Variants in ZNF208 observed in about 807,000 individuals in gnomAD.
The protein encoded by ZNF208 is zinc finger protein 95.
A neutral mutation model predicts 12.1 loss-of-function variants in ZNF208; 10 were observed. That is an observed-to-expected ratio of 0.83 (90% CI 0.51 to 1.40). The LOEUF (loss-of-function observed/expected upper bound fraction) is 1.40. Among genes scored for constraint, ZNF208 ranks in the 40% most tolerant of loss-of-function variants. The pLI is 0.00. For synonymous variants in ZNF208, 497 were observed against 488.4 expected (o/e 1.02, Z -0.23); for missense variants, 1,652 against 1,485.0 (o/e 1.11, Z -1.85).
At chr19:22,006,430 G>C (rs1311191180) in intron 1 of ZNF208, among the ~76,000 whole-genome samples, 1 of 151,704 alleles carries the variant, frequency 6.6e-6, no homozygotes, top group Non-Finnish European at 1.5e-5. Flanking sequence ...CCTCAAAACA[G>C]TAACAATTTA....
chr19:21,967,047 T>C lies in ZNF208; in HGVS notation c.*4144A>G, dbSNP rs1185196578. The stretch of plus-strand genomic sequence containing the variant: ...TGTTTACTTTGCTGATAGTTTCTTT[T>C]ACTGTGCAGAAGCTCTTTGGCTTAG... On this transcript the variant is annotated 3_prime_UTR_variant, in exon 4 of 4. Coordinates refer to ENST00000397126, the MANE Select transcript of ZNF208 (RefSeq NM_007153.3). 1.3e-5 allele frequency: 2 copies of C among 152,188 alleles called. No individual in the cohort carries two copies. Among genetic ancestry groups the C allele is most frequent in the African/African-American group, 4.8e-5 (2 of 41,464 alleles). The allele number at this position is 152,188 out of a possible 1,614,324, so 9.4% of individuals were successfully genotyped here. A position where few individuals can be genotyped will look rare whatever the true frequency, so the allele number is the denominator to read the frequency against.
intron 4 of ZNF208, among the ~76,000 whole-genome samples, chr19:21,954,717 C>G (rs1196906150): frequency 6.6e-6 from 1 of 152,106 alleles, no homozygotes; most frequent in South Asian, 2.1e-4. Context: ...TTATTTTGAG[C>G]CTATGTGTGT....
chr19:22,005,065 C>G lies in ZNF208; in HGVS notation c.3+5727G>C, dbSNP rs1254913194. 3.3e-5 allele frequency among the ~76,000 whole-genome samples: 5 copies of G among 152,218 alleles called. No homozygotes were observed. In the South Asian group the frequency reaches 6.2e-4, roughly 19 times the overall value. ...GGCAGATAAGATTATGAACCCTAGG[C>G]TGGTGGAGAAAACAGGTTGCTACTG... is the stretch of plus-strand genomic sequence containing the variant. On this transcript the variant is annotated intron_variant, in intron 1 of 3. Coordinates refer to ENST00000397126, the MANE Select transcript of ZNF208 (RefSeq NM_007153.3).
intron 2 of ZNF208, among the ~76,000 whole-genome samples, chr19:21,987,587 T>G (rs1488423161): frequency 1.3e-5 from 2 of 152,146 alleles, no homozygotes; most frequent in African/African-American, 4.8e-5. Flanking sequence ...ACCTGCTCTC[T>G]TACTTATAAA....
intron 4 of ZNF208, among the ~76,000 whole-genome samples, chr19:21,955,421 G>A (rs1969957587): frequency 6.6e-6 from 1 of 152,116 alleles, no homozygotes; most frequent in Admixed American, 6.6e-5. Context: ...CCTGAAGAAT[G>A]TTTTCCAACT....
rs1254904429 is a variant in ZNF208 at position 21,996,604 on chromosome 19, C to T, written c.4-7695G>A. ...ATTCTCAAGACTTAGATTTAGAATA[C>T]GGAGCTGCAAATTCAGGTCCTGCAT... On this transcript the variant is annotated intron_variant, in intron 1 of 3. Transcript: ENST00000397126. Among the ~76,000 whole-genome samples, 5 of 152,172 alleles carry T rather than the reference C, an allele frequency of 3.3e-5. No individual in the cohort carries two copies. The South Asian group carries it at 6.2e-4, about 19-fold the overall frequency.
At chr19:21,942,767 A>G (rs2522094) in intron 4 of ZNF208, among the ~76,000 whole-genome samples, 85,884 of 151,826 alleles carry the variant, frequency 0.57, 24,528 homozygotes, top group East Asian at 0.69. Flanking sequence ...TCCTGCCTCA[A>G]CCCCCTGAGT....
rs759665841 is a variant in ZNF208 at position 21,972,571 on chromosome 19, A to G, written c.2463T>C (p.Thr821=). The part of the protein sequence containing the change: ...GKTFSKVSTL[T]THKAIHAGEK... Reference sequence around the variant, plus strand: ...CTCCAGCATGAATTGCCTTATGTGTAGTAAGGGTTGAGACCTTACTAAAGG... The same window carrying G: ...CTCCAGCATGAATTGCCTTATGTGTGGTAAGGGTTGAGACCTTACTAAAGG... Residue 821 remains threonine (T), a synonymous_variant, in exon 4 of 4, where the codon ACT becomes ACC. Transcript: ENST00000397126. The G allele has an allele frequency of 6.2e-7, 1 of 1,613,520 alleles. No individual in the cohort carries two copies. The highest frequency in any genetic ancestry group is 8.5e-7 in the Non-Finnish European group (1 of 1,179,874).
intron 1 of ZNF208, 122 bp from the exon 2 acceptor site, chr19:21,989,031 T>C (rs1970677137): frequency 7.7e-7 from 1 of 1,300,804 alleles, no homozygotes. Context: ...CTGAAATTAT[T>C]CAATAAAATA....
chr19:21,961,134 GTTCT>G (rs1436030155), downstream of ZNF208, among the ~76,000 whole-genome samples: 3 of 152,148 alleles, frequency 2.0e-5, no homozygotes, highest in Non-Finnish European at 2.9e-5. Context: ...TTCAACATAG[GTTCT>G]TTCTATTTTC....
At chr19:21,944,563 A>G (rs1362308853) in intron 4 of ZNF208, among the ~76,000 whole-genome samples, 2 of 152,174 alleles carry the variant, frequency 1.3e-5, no homozygotes, top group Non-Finnish European at 2.9e-5. Context: ...TATTTAGACA[A>G]GACTTTCAGT....
chr19:21,991,701 TTG>T (rs10592767), intron 1 of ZNF208: 21,367 of 148,410 alleles, frequency 0.14, 1,677 homozygotes, highest in Admixed American at 0.21. Flanking sequence ...GATCATGCCA[TTG>T]CACTCCAGCT....
chr19:21,948,318 A>G (rs1380818378), intron 4 of ZNF208, among the ~76,000 whole-genome samples: 1 of 152,216 alleles, frequency 6.6e-6, no homozygotes, highest in Non-Finnish European at 1.5e-5. Flanking sequence ...ACACTACCCA[A>G]CAAATAGATC....
intron 1 of ZNF208, 144 bp from the exon 2 acceptor site, chr19:21,989,053 A>G (rs181294382): frequency 5.6e-5 from 64 of 1,147,450 alleles, no homozygotes; most frequent in Non-Finnish European, 1.6e-5. Flanking sequence ...TTTTTAACAC[A>G]AATATTCTCT....
At chr19:21,959,094 A>G (rs916922917) in intron 4 of ZNF208, among the ~76,000 whole-genome samples, 2 of 152,080 alleles carry the variant, frequency 1.3e-5, no homozygotes, top group African/African-American at 4.8e-5. Context: ...AAAAAAAAAA[A>G]GGAACTAATC....
chr19:21,995,823 T>C (rs1970827040), intron 1 of ZNF208, among the ~76,000 whole-genome samples: 2 of 152,322 alleles, frequency 1.3e-5, no homozygotes, highest in Middle Eastern at 3.4e-3. Context: ...GAGCCTCTCA[T>C]ATAACTGTGG....
At chr19:21,955,389 G>A (rs1342669218) in intron 4 of ZNF208, among the ~76,000 whole-genome samples, 1 of 152,080 alleles carries the variant, frequency 6.6e-6, no homozygotes, top group African/African-American at 2.4e-5. Context: ...TGCTGGGTTG[G>A]GATAGTTCTC....
intron 4 of ZNF208, among the ~76,000 whole-genome samples, chr19:21,946,883 C>A (rs1017701429): frequency 6.6e-5 from 10 of 152,092 alleles, no homozygotes; most frequent in African/African-American, 2.4e-4. Context: ...TACCTAAAAG[C>A]CCTTGGACCA....
intron 4 of ZNF208, among the ~76,000 whole-genome samples, chr19:21,947,062 G>C (rs1360088468): frequency 2.0e-5 from 3 of 151,090 alleles, no homozygotes; most frequent in Non-Finnish European, 2.9e-5. Flanking sequence ...ATATAATCAT[G>C]CTGAGTAAAG....
Sources: gnomAD v4.1 joint callset for allele counts (sites outside exome capture counted in the v4.1 genomes callset) on GRCh38, gnomAD v4.1.1 for gene constraint, MANE v1.5 for transcripts, NCBI Gene and HGNC (gene_info 2026-07-23, HGNC 2026-07-21) for gene names.